MEP1B: variants seen among roughly 807,000 people sequenced by gnomAD.
MEP1B encodes N-benzoyl-L-tyrosyl-P-amino-benzoic acid hydrolase subunit beta.
A neutral mutation model predicts 84.6 loss-of-function variants in MEP1B; 80 were observed. The observed-to-expected ratio is 0.95, with a 90% CI of 0.79 to 1.14. The LOEUF is 1.14. MEP1B is among the 50% of genes most tolerant of loss of function. The probability of loss-of-function intolerance (pLI) is 0.00; values close to 1 mark genes in which losing one functional copy is unlikely to be tolerated. For synonymous variants in MEP1B, 273 were observed against 288.1 expected (o/e 0.95, Z 0.53); for missense variants, 766 against 855.1 (o/e 0.90, Z 1.30).
At chr18:32,203,051 C>A in intron 6 of MEP1B, 41 bp downstream of exon 6, 1 of 1,162,084 alleles carries the variant, frequency 8.6e-7, no homozygotes, top group Non-Finnish European at 1.3e-6. Context: ...CTAAGGAGAA[C>A]TCTAGTGCCT....
At chr18:32,218,168 A>G (rs1233710146) in intron 14 of MEP1B, among the ~76,000 whole-genome samples, 3 of 152,230 alleles carry the variant, frequency 2.0e-5, no homozygotes, top group Non-Finnish European at 2.9e-5. Context: ...GAGGTTCATT[A>G]TCCTCCTGGA....
chr18:32,215,303 TG>T (rs770642544), intron 12 of MEP1B, 42 bp downstream of exon 12: 54 of 1,283,726 alleles, frequency 4.2e-5, no homozygotes, highest in East Asian at 3.2e-4. Flanking sequence ...AGTTTTTTTT[TG>T]TTGTGGCCAC....
In MEP1B at chr18:32,214,477, C is replaced by T. The variant is rs571961613; in HGVS notation, c.1580-605C>T. 1.5e-4 allele frequency among the ~76,000 whole-genome samples: 23 copies of T among 152,188 alleles called. 1 individual carries two copies. Among genetic ancestry groups the T allele is most frequent in the Non-Finnish European group, 2.6e-4 (18 of 68,036 alleles). ...ATATTCACCAATGGAATTGTAGGGA[C>T]TTGACATTCAGAATTTCTTCACTTT... On this transcript the variant is annotated intron_variant, in intron 11 of 14. Coordinates refer to ENST00000269202, the MANE Select transcript of MEP1B (RefSeq NM_005925.3).
intron 4 of MEP1B, 94 bp from the exon 5 acceptor site, chr18:32,195,313 A>C (rs1598886681): frequency 1.3e-6 from 1 of 742,550 alleles, no homozygotes; most frequent in South Asian, 1.7e-5. Flanking sequence ...GAACTGGGAG[A>C]GCTTTAAACT....
intron 4 of MEP1B, among the ~76,000 whole-genome samples, chr18:32,193,822 T>A (rs921506276): frequency 3.3e-5 from 5 of 152,182 alleles, no homozygotes; most frequent in African/African-American, 1.2e-4. Flanking sequence ...TACTCTTCTA[T>A]CTGTGCTCTC....
chr18:32,203,967 C>G (rs1383728164), intron 6 of MEP1B, among the ~76,000 whole-genome samples: 4 of 152,178 alleles, frequency 2.6e-5, no homozygotes, highest in Admixed American at 6.5e-5. Context: ...GGTCCCACCT[C>G]CAGCACTGGG....
chr18:32,191,533 A>G (rs564416993), intron 1 of MEP1B, among the ~76,000 whole-genome samples: 2 of 152,142 alleles, frequency 1.3e-5, no homozygotes, highest in East Asian at 3.9e-4. Flanking sequence ...TGAGAGCTAG[A>G]GTCTTATGTT....
At chr18:32,191,558 C>G (rs1024599052) in intron 1 of MEP1B, among the ~76,000 whole-genome samples, 20 of 151,944 alleles carry the variant, frequency 1.3e-4, no homozygotes, top group Non-Finnish European at 2.8e-4. Context: ...CTTTTCCCCC[C>G]CAATTTTTGA....
chr18:32,200,977 A>G lies in MEP1B; in HGVS notation c.251-1916A>G, dbSNP rs139474369. Among the ~76,000 whole-genome samples the G allele has an allele frequency of 3.3e-5, 5 of 152,288 alleles. No homozygotes were observed. In the East Asian group the frequency reaches 9.6e-4, roughly 29 times the overall value. ...CAAAGCCTGGCATGGTTCCAAGTGG[A>G]GCTTTCTGCATCTATAACGCAAGGT... On this transcript the variant is annotated intron_variant, in intron 5 of 14. Transcript: ENST00000269202.
intron 4 of MEP1B, among the ~76,000 whole-genome samples, chr18:32,193,283 T>C (rs2040820791): frequency 6.6e-6 from 1 of 152,156 alleles, no homozygotes; most frequent in Non-Finnish European, 1.5e-5. Context: ...AACCTATTCA[T>C]AAAGAGTGCT....
chr18:32,219,039 T>A (rs2041123619), intron 14 of MEP1B, among the ~76,000 whole-genome samples: 1 of 152,214 alleles, frequency 6.6e-6, no homozygotes, highest in South Asian at 2.1e-4. Context: ...TTCTATTTCA[T>A]TCCAATTGGA....
rs2144408220 is a variant in MEP1B at position 32,207,140 on chromosome 18, A to G, written c.548-112A>G. ...GAATAATGAAACTGTTGTTAGTTGT[A>G]GCAAAAATTGCTTGAGTTTATTATA... is the stretch of plus-strand genomic sequence containing the variant. On this transcript the variant is annotated intron_variant, in intron 7 of 14. Transcript: ENST00000269202. 7.5e-6 allele frequency: 5 copies of G among 663,136 alleles called. No individual in the cohort carries two copies. In the East Asian group the frequency reaches 1.4e-4, roughly 18 times the overall value. 41.1% of individuals were successfully genotyped at this position (663,136 alleles called of 1,614,324 possible). A position where few individuals can be genotyped will look rare whatever the true frequency, so the allele number is the denominator to read the frequency against.
Position 32,207,293 on chromosome 18 carries a change from G to T in MEP1B, c.589G>T (p.Asp197Tyr), listed in dbSNP as rs910033104. ...TAACACCTATAGTGACGATATATCA[G>T]ATTCCCTGAATGTTCCCTATGATTA... is the stretch of plus-strand genomic sequence containing the variant. The part of the protein sequence containing the change: ...NFNTYSDDIS[D>Y]SLNVPYDYTS... The change falls in exon 8 of 15, where the codon GAT becomes TAT. Residue 197 changes from aspartate (D) to tyrosine (Y), a missense_variant. Asp to Tyr is a radical substitution (Grantham distance 160, BLOSUM62 -3). Coordinates refer to ENST00000269202, the MANE Select transcript of MEP1B (RefSeq NM_005925.3). The T allele has an allele frequency of 6.2e-7, 1 of 1,613,160 alleles. No homozygotes were observed. The highest frequency in any genetic ancestry group is 8.5e-7 in the Non-Finnish European group (1 of 1,179,332).
rs185721469 is a variant in MEP1B at position 32,192,536 on chromosome 18, T to C, written c.83-110T>C. 3.3e-5 allele frequency: 30 copies of C among 915,584 alleles called. No individual in the cohort carries two copies. The East Asian group carries it at 5.8e-4, about 18-fold the overall frequency. The allele number at this position is 915,584 out of a possible 1,614,324, so 56.7% of individuals were successfully genotyped here. On this transcript the variant is annotated intron_variant, in intron 2 of 14. Transcript: ENST00000269202. ...TGTATGTTGAGTCTGAATCTAGTAG[T>C]CACCTGAGGCCAAAAGAAACTTGCT...
rs1251733420 is a variant in MEP1B at position 32,195,439 on chromosome 18, G to A, written c.204G>A (p.Lys68=). The part of the protein sequence containing the change: ...AQIRNSIIGE[K]YRWPHTIPYV... ...TTAGAAATTCCATCATTGGAGAAAA[G>A]TATAGATGGCCTCATACCATTCCAT... The change falls in exon 5 of 15, where the codon AAG becomes AAA. Residue 68 remains lysine, a synonymous_variant. Coordinates refer to ENST00000269202, the MANE Select transcript of MEP1B (RefSeq NM_005925.3). 6.2e-7 allele frequency: 1 copy of A among 1,612,598 alleles called. No individual in the cohort carries two copies.
chr18:32,200,028 T>A lies in MEP1B; in HGVS notation c.251-2865T>A, dbSNP rs534670923. Reference sequence around the variant, plus strand: ...TAATTTTATATATATCTTAGGCTATTTTTTTTTTGCCATGTATTTAACCAT... The same window carrying A: ...TAATTTTATATATATCTTAGGCTATATTTTTTTTGCCATGTATTTAACCAT... On this transcript the variant is annotated intron_variant, in intron 5 of 14. Coordinates refer to ENST00000269202, the MANE Select transcript of MEP1B (RefSeq NM_005925.3). Among the ~76,000 whole-genome samples, 28 of 130,592 alleles carry A rather than the reference T, an allele frequency of 2.1e-4. No homozygotes were observed. The East Asian group carries it at 3.7e-3, about 17-fold the overall frequency. 85.7% of individuals were successfully genotyped at this position (130,592 alleles called of 152,430 possible).
intron 9 of MEP1B, among the ~76,000 whole-genome samples, chr18:32,209,753 T>C (rs28667990): frequency 0.095 from 14,449 of 151,410 alleles, 933 homozygotes; most frequent in African/African-American, 0.18. Context: ...TCCTTTTCTT[T>C]TTTTCTTCCT....
chr18:32,200,248 T>C (rs1475578338), intron 5 of MEP1B, among the ~76,000 whole-genome samples: 1 of 152,224 alleles, frequency 6.6e-6, no homozygotes. Flanking sequence ...TCAGCCTAGA[T>C]CCTACCATCC....
intron 12 of MEP1B, among the ~76,000 whole-genome samples, chr18:32,216,425 C>A (rs1256705703): frequency 6.6e-6 from 1 of 152,258 alleles, no homozygotes; most frequent in African/African-American, 2.4e-5. Flanking sequence ...GTTGTCAGGG[C>A]ACTTGGTGTC....
Sources: allele counts gnomAD v4.1 joint callset (sites outside exome capture counted in the v4.1 genomes callset), GRCh38; gene constraint gnomAD v4.1.1; transcripts MANE v1.5; gene names NCBI Gene and HGNC (gene_info 2026-07-23, HGNC 2026-07-21).